CHRM3: variants seen among roughly 807,000 people sequenced by gnomAD.
CHRM3 encodes cholinergic receptor muscarinic 3.
In CHRM3, 11 loss-of-function variants were observed where a neutral mutation model predicts 41.8. The observed-to-expected ratio is 0.26, with a 90% CI of 0.17 to 0.44. The LOEUF (loss-of-function observed/expected upper bound fraction) is 0.44. Ranked by LOEUF, CHRM3 falls within the 20% of genes least tolerant of loss-of-function variation. CHRM3 has a pLI of 1.00. For synonymous variants in CHRM3, 297 were observed against 301.4 expected (o/e 0.99, Z 0.15); for missense variants, 571 against 745.4 (o/e 0.77, Z 2.72).
chr1:239,631,540 C>G (rs751050747), intron 3 of CHRM3, among the ~76,000 whole-genome samples: 7 of 152,218 alleles, frequency 4.6e-5, no homozygotes, highest in Non-Finnish European at 7.3e-5. Flanking sequence ...TCAGCCACAT[C>G]CTTCACAATG....
intron 5 of CHRM3, among the ~76,000 whole-genome samples, chr1:239,717,804 G>T (rs1391772216): frequency 6.6e-6 from 1 of 152,004 alleles, no homozygotes; most frequent in Non-Finnish European, 1.5e-5. Flanking sequence ...TTGGGGCCGT[G>T]TCCTCAAGTG....
rs61348691 is a variant in CHRM3, at chr1:239,797,407, T to TAA, written c.-146-29833_-146-29832dup. ...TAAAATAAAAGGGATACTCATTCTT[T>TAA]AAAAAAAAAAAAAGAGTAAGACAAA... On this transcript the variant is annotated intron_variant, in intron 5 of 6. Transcript: ENST00000676153. 8.2e-3 allele frequency among the ~76,000 whole-genome samples: 1,174 copies of TAA among 143,630 alleles called. 9 individuals carry two copies. The highest frequency in any genetic ancestry group is 0.025 in the African/African-American group (1,001 of 39,776). 94.2% of individuals were successfully genotyped at this position (143,630 alleles called of 152,430 possible).
chr1:239,776,302 G>C (rs995010804), intron 5 of CHRM3, among the ~76,000 whole-genome samples: 27 of 152,140 alleles, frequency 1.8e-4, no homozygotes, highest in Non-Finnish European at 2.4e-4. Context: ...GCCTTATAAG[G>C]TTGTCATAAG....
At chr1:239,896,808 G>A (rs995658853) in intron 6 of CHRM3, among the ~76,000 whole-genome samples, 1 of 152,134 alleles carries the variant, frequency 6.6e-6, no homozygotes, top group African/African-American at 2.4e-5. Flanking sequence ...AAGAAAAGTG[G>A]CTCCAGACAT....
At chr1:239,785,836 T>C (rs1445739189) in intron 5 of CHRM3, among the ~76,000 whole-genome samples, 1 of 152,198 alleles carries the variant, frequency 6.6e-6, no homozygotes, top group Non-Finnish European at 1.5e-5. Flanking sequence ...AGGGTTTAGT[T>C]TGCAAATTCT....
chr1:239,881,841 G>A lies in CHRM3; in HGVS notation c.-19-25592G>A, dbSNP rs77685171. 4.4e-4 allele frequency among the ~76,000 whole-genome samples: 67 copies of A among 152,170 alleles called. 1 individual carries two copies. In the East Asian group the frequency reaches 0.013, roughly 29 times the overall value. ...AGTCCCAGATCAACATAAGCACTGA[G>A]GTATTTAGATATATAGAGTTCTACA... is the stretch of plus-strand genomic sequence containing the variant. On this transcript the variant is annotated intron_variant, in intron 6 of 6. Coordinates refer to ENST00000676153, the MANE Select transcript of CHRM3 (RefSeq NM_001375978.1).
intron 2 of CHRM3, among the ~76,000 whole-genome samples, chr1:239,539,980 T>A (rs1658595325): frequency 1.3e-5 from 2 of 152,154 alleles, no homozygotes; most frequent in African/African-American, 4.8e-5. Flanking sequence ...TGTTTCCTAT[T>A]GTGTTACAGC....
At chr1:239,420,080 T>G (rs77704136) in intron 1 of CHRM3, among the ~76,000 whole-genome samples, 3,376 of 152,266 alleles carry the variant, frequency 0.022, 55 homozygotes, top group Non-Finnish European at 0.036. Context: ...CAGGCCTGTT[T>G]AGAAGCTGGG....
At chr1:239,634,405 G>GGAAA (rs748975073) in intron 4 of CHRM3, among the ~76,000 whole-genome samples, 8 of 83,626 alleles carry the variant, frequency 9.6e-5, no homozygotes, top group Non-Finnish European at 1.3e-4. Flanking sequence ...AAGAAAGAAA[G>GGAAA]GAAAGAAAGA....
chr1:239,653,123 G>C (rs1259928559), intron 4 of CHRM3, among the ~76,000 whole-genome samples: 1 of 152,092 alleles, frequency 6.6e-6, no homozygotes, highest in Non-Finnish European at 1.5e-5. Context: ...TATAGAACTG[G>C]GATCAATTCC....
At chr1:239,508,336 A>C (rs1558276194) in intron 2 of CHRM3, among the ~76,000 whole-genome samples, 1 of 152,196 alleles carries the variant, frequency 6.6e-6, no homozygotes, top group Non-Finnish European at 1.5e-5. Context: ...AATTATCATG[A>C]ATGTCAGAAG....
intron 5 of CHRM3, among the ~76,000 whole-genome samples, chr1:239,684,449 T>A (rs1658873405): frequency 6.6e-6 from 1 of 151,930 alleles, no homozygotes; most frequent in Admixed American, 6.6e-5. Context: ...ATCTCAGGAC[T>A]TTGGGAGGCC....
At chr1:239,417,876 G>A (rs1383547202) in intron 1 of CHRM3, among the ~76,000 whole-genome samples, 1 of 152,062 alleles carries the variant, frequency 6.6e-6, no homozygotes, top group Non-Finnish European at 1.5e-5. Context: ...CAGATAATCA[G>A]TTCTAACAGA....
chr1:239,541,526 T>G (rs1434726042), intron 2 of CHRM3, among the ~76,000 whole-genome samples: 1 of 152,132 alleles, frequency 6.6e-6, no homozygotes, highest in African/African-American at 2.4e-5. Context: ...TTTATTTATT[T>G]TTTGAGATAG....
chr1:239,872,547 A>T (rs755191008), intron 6 of CHRM3, among the ~76,000 whole-genome samples: 4 of 152,214 alleles, frequency 2.6e-5, no homozygotes. Flanking sequence ...TCTATCCAGA[A>T]CATCTGAGAA....
intron 5 of CHRM3, among the ~76,000 whole-genome samples, chr1:239,823,161 T>A (rs774913880): frequency 2.0e-5 from 3 of 152,178 alleles, no homozygotes; most frequent in Non-Finnish European, 2.9e-5. Context: ...TTTATACATT[T>A]TAAATTACTA....
chr1:239,560,672 G>A (rs1288392335), intron 3 of CHRM3, among the ~76,000 whole-genome samples: 1 of 151,614 alleles, frequency 6.6e-6, no homozygotes, highest in African/African-American at 2.4e-5. Flanking sequence ...ATATATATGT[G>A]TGTATATATA....
intron 2 of CHRM3, among the ~76,000 whole-genome samples, chr1:239,522,672 G>T (rs1347725623): frequency 2.0e-5 from 3 of 152,146 alleles, no homozygotes; most frequent in Non-Finnish European, 2.9e-5. Context: ...ACAATGAGGA[G>T]GTAGAGATGT....
intron 4 of CHRM3, among the ~76,000 whole-genome samples, chr1:239,667,623 A>G (rs914664125): frequency 2.0e-5 from 3 of 152,228 alleles, no homozygotes; most frequent in Admixed American, 6.5e-5. Context: ...TTAAGTTCTC[A>G]GAGAAGCACC....
Sources: gnomAD v4.1 joint callset for allele counts (sites outside exome capture counted in the v4.1 genomes callset) on GRCh38, gnomAD v4.1.1 for gene constraint, MANE v1.5 for transcripts, NCBI Gene and HGNC (gene_info 2026-07-23, HGNC 2026-07-21) for gene names.